The following RBM28 variants were observed in gnomAD, a reference collection of about 807,000 sequenced individuals.
RBM28 encodes the protein RNA binding motif protein 28.
Under a neutral mutation model 98.3 loss-of-function variants are expected in RBM28, and 78 were observed. That is an observed-to-expected ratio of 0.79 (90% confidence interval 0.66 to 0.96). The LOEUF is 0.96. Ranked by LOEUF, RBM28 falls within the 40% of genes least tolerant of loss-of-function variation. The pLI, the probability that RBM28 is intolerant of heterozygous loss-of-function variation, is 0.00. For missense variants in RBM28, 838 were observed against 913.0 expected (o/e 0.92, Z 1.06); for synonymous variants, 306 against 330.9 (o/e 0.92, Z 0.82).
In RBM28 at chr7:128,335,835, T is replaced by C. The variant is rs1297734741; in HGVS notation, c.809+12A>G. Reference sequence around the variant, plus strand: ...CTTCCTCTGCTGTCTCAGAACAGGATGAGCTGCTTACCTCTTCTGAATTTG... The same window carrying C: ...CTTCCTCTGCTGTCTCAGAACAGGACGAGCTGCTTACCTCTTCTGAATTTG... On this transcript the variant is annotated intron_variant, in intron 7 of 18. Transcript: ENST00000223073. 1 of 1,613,840 alleles carries C rather than the reference T, an allele frequency of 6.2e-7. No homozygotes were observed. The highest frequency in any genetic ancestry group is 8.5e-7 in the Non-Finnish European group (1 of 1,179,764).
Position 128,332,688 on chromosome 7 carries a change from T to C in RBM28, c.1019+602A>G, listed in dbSNP as rs146309084. 1.7e-3 allele frequency among the ~76,000 whole-genome samples: 266 copies of C among 152,234 alleles called. 2 individuals carry two copies. Among genetic ancestry groups the C allele is most frequent in the African/African-American group, 6.0e-3 (249 of 41,550 alleles). On this transcript the variant is annotated intron_variant, in intron 9 of 18. Transcript: ENST00000223073. ...AAAGATTGTACAAGAAGATAAAATA[T>C]ATAACTCTAAAATCGGATGCAAATG...
chr7:128,318,183 C>A, intron 14 of RBM28, 77 bp from the exon 15 acceptor site: 2 of 1,426,604 alleles, frequency 1.4e-6, no homozygotes, highest in South Asian at 1.2e-5. Flanking sequence ...TTAATAGAGT[C>A]AATAAGAAAT....
rs1473998969 is a variant in RBM28, at chr7:128,298,293, C to G, written c.*12504G>C. 1.3e-5 allele frequency: 2 copies of G among 152,108 alleles called. No individual in the cohort carries two copies. Among genetic ancestry groups the G allele is most frequent in the African/African-American group, 4.8e-5 (2 of 41,426 alleles). The allele number at this position is 152,108 out of a possible 1,614,324, so 9.4% of individuals were successfully genotyped here. A position where few individuals can be genotyped will look rare whatever the true frequency, so the allele number is the denominator to read the frequency against. On this transcript the variant is annotated 3_prime_UTR_variant, in exon 19 of 19. Coordinates refer to ENST00000223073, the MANE Select transcript of RBM28 (RefSeq NM_018077.3). The stretch of plus-strand genomic sequence containing the variant: ...CTACTCCCTGTTTTACACCCCCTCC[C>G]CTTTTGAAACCCTTAATAAAAAACT...
Position 128,324,664 on chromosome 7 carries a change from G to A in RBM28, c.1234C>T (p.Leu412Phe), listed in dbSNP as rs756698762. 2 of 1,614,176 alleles carry A rather than the reference G, an allele frequency of 1.2e-6. No individual in the cohort carries two copies. Among genetic ancestry groups the A allele is most frequent in the Non-Finnish European group, 1.7e-6 (2 of 1,180,038 alleles). ...AGGLKLDGRQ[L>F]KVDLAVTRDE... Reference sequence around the variant, plus strand: ...CGGGTCACCGCCAAGTCAACCTTGAGCTGCCGGCCATCCAGTTTAAGCCCA... The same window carrying A: ...CGGGTCACCGCCAAGTCAACCTTGAACTGCCGGCCATCCAGTTTAAGCCCA... Residue 412 changes from leucine to phenylalanine, a missense_variant, in exon 12 of 19, where the codon CTC becomes TTC. Coordinates refer to ENST00000223073, the MANE Select transcript of RBM28 (RefSeq NM_018077.3).
chr7:128,330,796 C>A, intron 10 of RBM28, 23 bp downstream of exon 10: 1 of 1,564,996 alleles, frequency 6.4e-7, no homozygotes, highest in South Asian at 1.1e-5. Flanking sequence ...CCTTTTAGGG[C>A]CTGGCCAGCT....
At chr7:128,311,893 T>C (rs1795992472) in intron 18 of RBM28, among the ~76,000 whole-genome samples, 1 of 152,210 alleles carries the variant, frequency 6.6e-6, no homozygotes, top group Admixed American at 6.5e-5. Context: ...GTTTAAATAA[T>C]CAGCATTCTG....
At chr7:128,320,038 G>A (rs568257183) in intron 14 of RBM28, among the ~76,000 whole-genome samples, 7 of 152,082 alleles carry the variant, frequency 4.6e-5, no homozygotes, top group African/African-American at 1.7e-4. Context: ...GCAACATGGT[G>A]AAACCCCGTC....
chr7:128,320,279 T>C (rs1369443476), intron 14 of RBM28, among the ~76,000 whole-genome samples: 17 of 88,564 alleles, frequency 1.9e-4, no homozygotes, highest in Non-Finnish European at 3.2e-4. Context: ...TGTGTAACTA[T>C]AGGCCCAACT....
At chr7:128,328,552 G>A (rs1796403733) in intron 10 of RBM28, among the ~76,000 whole-genome samples, 1 of 152,176 alleles carries the variant, frequency 6.6e-6, no homozygotes, top group African/African-American at 2.4e-5. Flanking sequence ...TGCTTATTAA[G>A]ATCATGAACT....
intron 8 of RBM28, among the ~76,000 whole-genome samples, chr7:128,334,133 A>C (rs182124214): frequency 2.0e-4 from 30 of 152,382 alleles, no homozygotes; most frequent in Admixed American, 1.4e-3. Flanking sequence ...AAGTTCCCTA[A>C]GAAGCTGAGG....
intron 11 of RBM28, among the ~76,000 whole-genome samples, chr7:128,325,083 C>T (rs1227877881): frequency 2.0e-5 from 3 of 152,054 alleles, no homozygotes; most frequent in Non-Finnish European, 4.4e-5. Flanking sequence ...AAACTAAGCA[C>T]CTGACAAGAA....
chr7:128,333,776 A>G (rs1029025605), intron 8 of RBM28, among the ~76,000 whole-genome samples: 2 of 152,194 alleles, frequency 1.3e-5, no homozygotes, highest in African/African-American at 4.8e-5. Flanking sequence ...GTATATGAAA[A>G]GATGTTCAAA....
chr7:128,310,661 AG>A lies in RBM28; in HGVS notation c.*135del. ...ACCAAAGTTCAGATGTACACAGTCC[AG>A]GGCACCTCCGAGCACAGTGGCAGTG... On this transcript the variant is annotated 3_prime_UTR_variant, in exon 19 of 19. Transcript: ENST00000223073. 8.6e-7 allele frequency: 1 copy of A among 1,161,292 alleles called. No individual in the cohort carries two copies. Among genetic ancestry groups the A allele is most frequent in the Non-Finnish European group, 1.3e-6 (1 of 781,346 alleles). 71.9% of individuals were successfully genotyped at this position (1,161,292 alleles called of 1,614,324 possible).
chr7:128,310,475 A>G lies in RBM28; in HGVS notation c.*322T>C. On this transcript the variant is annotated 3_prime_UTR_variant, in exon 19 of 19. Coordinates refer to ENST00000223073, the MANE Select transcript of RBM28 (RefSeq NM_018077.3). ...ATACATCTTAAAAATTCAGCACTCCAGAATGCTTTTTCAGGTGTTTCCATT... is the reference window on the plus strand; with the variant it reads ...ATACATCTTAAAAATTCAGCACTCCGGAATGCTTTTTCAGGTGTTTCCATT... 2.7e-6 allele frequency: 1 copy of G among 366,774 alleles called. No homozygotes were observed. The highest frequency in any genetic ancestry group is 5.0e-6 in the Non-Finnish European group (1 of 198,560). 22.7% of individuals were successfully genotyped at this position (366,774 alleles called of 1,614,324 possible).
At chr7:128,327,119 G>T (rs545301080) in intron 10 of RBM28, among the ~76,000 whole-genome samples, 1 of 151,512 alleles carries the variant, frequency 6.6e-6, no homozygotes, top group African/African-American at 2.4e-5. Context: ...GTGACAGAGC[G>T]AGACCTTGTC....
intron 8 of RBM28, among the ~76,000 whole-genome samples, chr7:128,334,883 A>C (rs1223012809): frequency 6.6e-6 from 1 of 152,122 alleles, no homozygotes; most frequent in African/African-American, 2.4e-5. Context: ...GAAAAGAGAG[A>C]CCAGAGTTCA....
At chr7:128,326,717 G>A (rs924055645) in intron 10 of RBM28, among the ~76,000 whole-genome samples, 1 of 152,144 alleles carries the variant, frequency 6.6e-6, no homozygotes, top group South Asian at 2.1e-4. Flanking sequence ...CTATGACACA[G>A]GCACTATGTT....
chr7:128,330,586 G>T (rs932436618), intron 10 of RBM28, among the ~76,000 whole-genome samples: 1 of 152,014 alleles, frequency 6.6e-6, no homozygotes, highest in African/African-American at 2.4e-5. Context: ...TGCCCAGGCT[G>T]GTCTCAAACT....
At chr7:128,332,866 T>C (rs1796511289) in intron 9 of RBM28, among the ~76,000 whole-genome samples, 1 of 152,116 alleles carries the variant, frequency 6.6e-6, no homozygotes, top group African/African-American at 2.4e-5. Context: ...CACTCCCACC[T>C]AGTTTTCCTG....
Sources: gnomAD v4.1 joint callset for allele counts (sites outside exome capture counted in the v4.1 genomes callset) on GRCh38, gnomAD v4.1.1 for gene constraint, MANE v1.5 for transcripts, NCBI Gene and HGNC (gene_info 2026-07-23, HGNC 2026-07-21) for gene names.